The following NHEJ1 variants were observed in gnomAD, a reference collection of about 807,000 sequenced individuals.
NHEJ1 encodes non-homologous end joining factor 1.
A neutral mutation model predicts 39.4 loss-of-function variants in NHEJ1; 22 were observed. The ratio of observed to expected loss-of-function variants is 0.56; its 90% CI spans 0.40 to 0.80. NHEJ1 has a LOEUF of 0.80. Among genes scored for constraint, NHEJ1 ranks in the 30% least tolerant of loss-of-function variants. NHEJ1 has a pLI of 0.00. For missense variants in NHEJ1, 329 were observed against 357.1 expected (o/e 0.92, Z 0.63); for synonymous variants, 154 against 135.6 (o/e 1.14, Z -0.94).
chr2:219,095,100 G>A (rs892799027), intron 5 of NHEJ1, among the ~76,000 whole-genome samples: 5 of 152,196 alleles, frequency 3.3e-5, no homozygotes, highest in Middle Eastern at 3.2e-3. Context: ...ACCAAGGTAT[G>A]TGGAAGACTG....
intron 5 of NHEJ1, chr2:219,102,432 T>G (rs1408388552): frequency 1.3e-5 from 2 of 152,200 alleles, no homozygotes; most frequent in Non-Finnish European, 2.9e-5. Context: ...TACTGAAAAC[T>G]TGCTGGGTGC....
chr2:219,082,735 C>T (rs1249443449), intron 5 of NHEJ1, among the ~76,000 whole-genome samples: 2 of 152,204 alleles, frequency 1.3e-5, no homozygotes, highest in Non-Finnish European at 2.9e-5. Flanking sequence ...CCAAGCCCCT[C>T]GCACTGACCA....
chr2:219,077,393 G>T, intron 6 of NHEJ1, 29 bp from the exon 7 acceptor site: 1 of 1,491,724 alleles, frequency 6.7e-7, no homozygotes, highest in Non-Finnish European at 9.4e-7. Context: ...AGAGAAGATA[G>T]TGATAAATGC....
At chr2:219,087,003 G>A (rs1015545510) in intron 5 of NHEJ1, among the ~76,000 whole-genome samples, 3 of 152,032 alleles carry the variant, frequency 2.0e-5, no homozygotes, top group Admixed American at 1.3e-4. Context: ...CTCGGGGAAC[G>A]CAAGTGGTTT....
At chr2:219,079,726 A>T (rs1949045592) in intron 5 of NHEJ1, among the ~76,000 whole-genome samples, 1 of 152,104 alleles carries the variant, frequency 6.6e-6, no homozygotes, top group South Asian at 2.1e-4. Flanking sequence ...CCTCTACCCT[A>T]CCTCACTCTC....
Position 219,149,514 on chromosome 2 carries a change from A to G in NHEJ1, c.391-1719T>C, listed in dbSNP as rs543349609. Among the ~76,000 whole-genome samples the G allele has an allele frequency of 5.3e-5, 8 of 152,180 alleles. No homozygotes were observed. In the South Asian group the frequency reaches 1.0e-3, roughly 20 times the overall value. Reference sequence around the variant, plus strand: ...GCCTGTAATCCCAGCTACTCGGGAGACTGAGGCACAAGAATCGCTTGAATC... The same window carrying G: ...GCCTGTAATCCCAGCTACTCGGGAGGCTGAGGCACAAGAATCGCTTGAATC... On this transcript the variant is annotated intron_variant, in intron 3 of 7. Transcript: ENST00000356853.
chr2:219,095,481 C>T (rs1949199769), intron 5 of NHEJ1: 2 of 351,684 alleles, frequency 5.7e-6, no homozygotes, highest in Admixed American at 3.2e-5. Flanking sequence ...CACTTAATAG[C>T]TGTCTCCTTC....
chr2:219,146,489 C>G (rs902644877), intron 5 of NHEJ1, among the ~76,000 whole-genome samples, 191 bp downstream of exon 5: 4 of 152,198 alleles, frequency 2.6e-5, no homozygotes, highest in Admixed American at 1.3e-4. Context: ...CTCTTACGTT[C>G]TTTCCCCGTT....
chr2:219,131,054 T>C (rs1373408371), intron 5 of NHEJ1, among the ~76,000 whole-genome samples: 2 of 152,156 alleles, frequency 1.3e-5, no homozygotes, highest in African/African-American at 2.4e-5. Flanking sequence ...ATCACACCAC[T>C]GCACTCCAGC....
chr2:219,153,045 C>T (rs1025371460), intron 3 of NHEJ1, among the ~76,000 whole-genome samples: 12 of 152,000 alleles, frequency 7.9e-5, no homozygotes, highest in Admixed American at 2.6e-4. Context: ...TCAGGTGATC[C>T]GCCCGCCTCG....
At chr2:219,106,176 G>A (rs1949311898) in intron 5 of NHEJ1, among the ~76,000 whole-genome samples, 1 of 152,182 alleles carries the variant, frequency 6.6e-6, no homozygotes, top group Admixed American at 6.5e-5. Flanking sequence ...TGAAGACAGA[G>A]AAATGGTCTT....
In NHEJ1 at chr2:219,076,314, C is replaced by T; in HGVS notation, c.*67G>A. On this transcript the variant is annotated 3_prime_UTR_variant, in exon 8 of 8. Transcript: ENST00000356853. ...TTTAGAAATATTGCTGCCATGTAAGCTTCTTTCAAGGTGAAGCTTGGAAGC... is the reference window on the plus strand; with the variant it reads ...TTTAGAAATATTGCTGCCATGTAAGTTTCTTTCAAGGTGAAGCTTGGAAGC... The T allele has an allele frequency of 6.2e-7, 1 of 1,613,846 alleles. No homozygotes were observed. Among genetic ancestry groups the T allele is most frequent in the Non-Finnish European group, 8.5e-7 (1 of 1,179,926 alleles).
chr2:219,102,011 A>G (rs1949266295), intron 5 of NHEJ1, among the ~76,000 whole-genome samples: 1 of 152,218 alleles, frequency 6.6e-6, no homozygotes, highest in African/African-American at 2.4e-5. Flanking sequence ...GGCGTAAGCC[A>G]CCGCACCCAG....
At chr2:219,158,078 T>C in intron 2 of NHEJ1, 108 bp downstream of exon 2, 2 of 1,006,714 alleles carry the variant, frequency 2.0e-6, no homozygotes, top group Non-Finnish European at 3.0e-6. Context: ...GTACAGGACA[T>C]TAACTGGAAT....
At chr2:219,097,663 C>G (rs1186367833) in intron 5 of NHEJ1, among the ~76,000 whole-genome samples, 1 of 152,004 alleles carries the variant, frequency 6.6e-6, no homozygotes, top group Non-Finnish European at 1.5e-5. Flanking sequence ...ATGGGATGAG[C>G]AGGCTTGATG....
intron 5 of NHEJ1, among the ~76,000 whole-genome samples, chr2:219,132,406 A>G (rs897650915): frequency 2.6e-5 from 4 of 152,222 alleles, no homozygotes; most frequent in African/African-American, 9.6e-5. Flanking sequence ...TGCAGAAAAC[A>G]GAATGCAGTT....
chr2:219,093,588 A>G (rs1949180679), intron 5 of NHEJ1, among the ~76,000 whole-genome samples: 1 of 152,180 alleles, frequency 6.6e-6, no homozygotes, highest in South Asian at 2.1e-4. Context: ...AAGGGAACAG[A>G]ATGACCTTCC....
intron 7 of NHEJ1, among the ~76,000 whole-genome samples, chr2:219,076,964 C>T (rs995237776): frequency 1.3e-5 from 2 of 152,098 alleles, no homozygotes; most frequent in African/African-American, 2.4e-5. Context: ...AATAGCCTCG[C>T]TGACTATCAC....
At chr2:219,141,332 A>G (rs1183895576) in intron 5 of NHEJ1, among the ~76,000 whole-genome samples, 1 of 149,964 alleles carries the variant, frequency 6.7e-6, no homozygotes, top group African/African-American at 2.5e-5. Context: ...GTGAGCCGAG[A>G]TTGTGCCACT....
Sources: gnomAD v4.1 joint callset for allele counts (sites outside exome capture counted in the v4.1 genomes callset) on GRCh38, gnomAD v4.1.1 for gene constraint, MANE v1.5 for transcripts, NCBI Gene and HGNC (gene_info 2026-07-23, HGNC 2026-07-21) for gene names.